The following GRAP2 variants were observed in gnomAD, a reference collection of about 807,000 sequenced individuals.
GRAP2 encodes GRB2 related adaptor protein 2, also known as GRB2-related adapter protein 2.
GRAP2 carries 31 observed loss-of-function variants against 43.5 expected under a neutral mutation model. That is an observed-to-expected ratio of 0.71 (90% CI 0.54 to 0.96). The LOEUF (loss-of-function observed/expected upper bound fraction) is 0.96, where lower values mean the gene tolerates loss of function less well. GRAP2 is among the 40% of genes least tolerant of loss of function. GRAP2 has a pLI of 0.00. For missense variants in GRAP2, 371 were observed against 424.4 expected (o/e 0.87, Z 1.11); for synonymous variants, 156 against 164.8 (o/e 0.95, Z 0.41).
At chr22:39,896,543 G>C (rs2066467219), upstream of GRAP2, among the ~76,000 whole-genome samples, 1 of 152,172 alleles carries the variant, frequency 6.6e-6, no homozygotes, top group South Asian at 2.1e-4. Context: ...CAGTTGAATA[G>C]AGATAACTGA....
In GRAP2 at chr22:39,937,235, T is replaced by C. The variant is rs188038843; in HGVS notation, c.-14-9858T>C. Among the ~76,000 whole-genome samples the C allele has an allele frequency of 1.1e-4, 17 of 152,318 alleles. No individual in the cohort carries two copies. The East Asian group carries it at 3.3e-3, about 29-fold the overall frequency. On this transcript the variant is annotated intron_variant, in intron 1 of 7. Coordinates refer to ENST00000344138, the MANE Select transcript of GRAP2 (RefSeq NM_004810.4). ...TTAGCTGGTTCACGTTTCTAGGCATTGGCACAGTCTGGGTGGTGTGTGTCC... is the reference window on the plus strand; with the variant it reads ...TTAGCTGGTTCACGTTTCTAGGCATCGGCACAGTCTGGGTGGTGTGTGTCC...
At chr22:39,914,945 C>G (rs985840020) in intron 1 of GRAP2, among the ~76,000 whole-genome samples, 1 of 151,908 alleles carries the variant, frequency 6.6e-6, no homozygotes, top group Non-Finnish European at 1.5e-5. Flanking sequence ...TCCCAGCACT[C>G]TGGGAGGCTG....
At chr22:39,970,811 C>A in intron 7 of GRAP2, 94 bp from the exon 8 acceptor site, 1 of 1,200,000 alleles carries the variant, frequency 8.3e-7, no homozygotes. Flanking sequence ...ATGTTGCTCT[C>A]AAAGACTTGG....
At chr22:39,933,671 T>C (rs915049486) in intron 1 of GRAP2, among the ~76,000 whole-genome samples, 1 of 151,820 alleles carries the variant, frequency 6.6e-6, no homozygotes, top group African/African-American at 2.4e-5. Context: ...TGAAACTCCA[T>C]CTCTAGTAAA....
chr22:39,955,679 G>T (rs2067041900), intron 2 of GRAP2, 140 bp from the exon 3 acceptor site: 4 of 552,516 alleles, frequency 7.2e-6, no homozygotes, highest in Non-Finnish European at 1.3e-5. Context: ...GTAAATCCTA[G>T]AACAGCTGTT....
chr22:39,897,800 T>A (rs1029179904), upstream of GRAP2, among the ~76,000 whole-genome samples: 1 of 152,190 alleles, frequency 6.6e-6, no homozygotes, highest in Non-Finnish European at 1.5e-5. Flanking sequence ...ATTACAGGCA[T>A]GAGCCAACCA....
At chr22:39,935,258 A>G (rs546189948) in intron 1 of GRAP2, among the ~76,000 whole-genome samples, 1 of 152,322 alleles carries the variant, frequency 6.6e-6, no homozygotes, top group Non-Finnish European at 1.5e-5. Context: ...TTCAGATGAA[A>G]GAGCTTTTGA....
the GRAP2 span, among the ~76,000 whole-genome samples, chr22:39,895,101 T>C: frequency 6.6e-6 from 1 of 152,136 alleles, no homozygotes; most frequent in Non-Finnish European, 1.5e-5. Flanking sequence ...CAGAGGAAGG[T>C]TAAATAACAG....
At chr22:39,944,274 A>G (rs548822638) in intron 1 of GRAP2, among the ~76,000 whole-genome samples, 7 of 152,280 alleles carry the variant, frequency 4.6e-5, no homozygotes, top group African/African-American at 1.7e-4. Context: ...ATTAATGCTA[A>G]TGGATATAGA....
chr22:39,901,506 T>C (rs2066492174), intron 1 of GRAP2, among the ~76,000 whole-genome samples, 176 bp downstream of exon 1: 1 of 152,236 alleles, frequency 6.6e-6, no homozygotes, highest in Admixed American at 6.5e-5. Context: ...TTTGTGGTGA[T>C]GGGATTTGAC....
intron 1 of GRAP2, among the ~76,000 whole-genome samples, chr22:39,904,053 T>C (rs2066508642): frequency 6.6e-6 from 1 of 152,178 alleles, no homozygotes; most frequent in African/African-American, 2.4e-5. Flanking sequence ...GATAAAAGTC[T>C]TATATACTCT....
chr22:39,928,714 C>G (rs2066728594), intron 1 of GRAP2, among the ~76,000 whole-genome samples: 1 of 152,204 alleles, frequency 6.6e-6, no homozygotes, highest in Non-Finnish European at 1.5e-5. Flanking sequence ...ATAAACCGAA[C>G]ATGAGTTCTA....
chr22:39,973,149 T>C lies in GRAP2; in HGVS notation c.*2065T>C, dbSNP rs1322408981. 6.6e-6 allele frequency: 1 copy of C among 152,320 alleles called. No individual in the cohort carries two copies. Among genetic ancestry groups the C allele is most frequent in the East Asian group, 1.9e-4 (1 of 5,202 alleles). The allele number at this position is 152,320 out of a possible 1,614,324, so 9.4% of individuals were successfully genotyped here. A position where few individuals can be genotyped will look rare whatever the true frequency, so the allele number is the denominator to read the frequency against. On this transcript the variant is annotated 3_prime_UTR_variant, in exon 8 of 8. Transcript: ENST00000344138. ...GAAATGCTGCAGTAAATAAAAGCCATAAGTAATGTTTGATTTTACAGTATT... is the reference window on the plus strand; with the variant it reads ...GAAATGCTGCAGTAAATAAAAGCCACAAGTAATGTTTGATTTTACAGTATT...
chr22:39,970,524 T>A (rs1178825639), intron 7 of GRAP2, among the ~76,000 whole-genome samples: 1 of 152,212 alleles, frequency 6.6e-6, no homozygotes, highest in African/African-American at 2.4e-5. Context: ...TATTGGGGCT[T>A]TGGACAATAA....
intron 1 of GRAP2, among the ~76,000 whole-genome samples, chr22:39,930,260 A>G (rs2066743816): frequency 6.6e-6 from 1 of 152,046 alleles, no homozygotes; most frequent in Non-Finnish European, 1.5e-5. Flanking sequence ...CCCCCTTCCA[A>G]CTGGTCATAA....
intron 1 of GRAP2, chr22:39,926,933 G>A: frequency 1.3e-6 from 1 of 774,462 alleles, no homozygotes; most frequent in Non-Finnish European, 1.6e-6. Flanking sequence ...GCCACCCACT[G>A]CCTGGCTCCA....
At chr22:39,955,760 C>T in intron 2 of GRAP2, 59 bp from the exon 3 acceptor site, 2 of 852,702 alleles carry the variant, frequency 2.3e-6, no homozygotes, top group Non-Finnish European at 4.1e-6. Context: ...CAGCCCCTTT[C>T]TCTTGTTTTT....
intron 2 of GRAP2, among the ~76,000 whole-genome samples, chr22:39,948,867 G>A (rs2066952137): frequency 6.6e-6 from 1 of 152,086 alleles, no homozygotes; most frequent in Non-Finnish European, 1.5e-5. Flanking sequence ...CACTCCTACA[G>A]GTCTCATTTC....
intron 2 of GRAP2, among the ~76,000 whole-genome samples, chr22:39,949,162 C>G (rs1398995410): frequency 2.0e-5 from 3 of 152,240 alleles, no homozygotes; most frequent in East Asian, 3.9e-4. Context: ...GCCCATCTCA[C>G]CCCCATTTCC....
Sources: gnomAD v4.1 joint callset for allele counts (sites outside exome capture counted in the v4.1 genomes callset) on GRCh38, gnomAD v4.1.1 for gene constraint, MANE v1.5 for transcripts, NCBI Gene and HGNC (gene_info 2026-07-23, HGNC 2026-07-21) for gene names.